The following ANK1 variants were observed in gnomAD, a reference collection of about 807,000 sequenced individuals.
ANK1 encodes ankyrin 1.
A neutral mutation model predicts 210.4 loss-of-function variants in ANK1; 51 were observed. The observed-to-expected ratio is 0.24, with a 90% CI of 0.19 to 0.31. ANK1 has a LOEUF of 0.31. Among genes scored for constraint, ANK1 ranks in the 10% least tolerant of loss-of-function variants. The pLI is 1.00. For missense variants in ANK1, 2,051 were observed against 2,504.4 expected, an observed-to-expected ratio of 0.82 and a Z score of 3.86; for synonymous variants, 967 against 1,025.9, an observed-to-expected ratio of 0.94 and a Z score of 1.10.
In ANK1 at chr8:41,694,149, G is replaced by A. The variant is rs905978831; in HGVS notation, c.3328-47C>T. 1.3e-6 allele frequency: 2 copies of A among 1,580,508 alleles called. No individual in the cohort carries two copies. Among genetic ancestry groups the A allele is most frequent in the Non-Finnish European group, 1.7e-6 (2 of 1,157,454 alleles). On this transcript the variant is annotated intron_variant, in intron 28 of 42. Transcript: ENST00000289734. This position sits in a 1 kb window ranked among gnomAD's most constrained non-coding sequence, Gnocchi z 5.7. ...ACACTCAGGCCCAAGCAGGAGAGGG[G>A]CTAATCAGACGGGAGGCAGCTCCAT... is the stretch of plus-strand genomic sequence containing the variant.
intron 3 of ANK1, among the ~76,000 whole-genome samples, chr8:41,733,149 C>T (rs927080470): frequency 6.6e-6 from 1 of 152,182 alleles, no homozygotes; most frequent in African/African-American, 2.4e-5. Flanking sequence ...TTTCATGACT[C>T]TGGGATTTTG....
intron 39 of ANK1, chr8:41,665,229 C>T (rs1162365958): frequency 1.3e-6 from 2 of 1,520,248 alleles, no homozygotes; most frequent in African/African-American, 1.4e-5. Flanking sequence ...CTGAAGCAGC[C>T]CGGCCCAAGT....
At chr8:41,678,001 T>C (rs942273941) in intron 37 of ANK1, among the ~76,000 whole-genome samples, 3 of 152,222 alleles carry the variant, frequency 2.0e-5, no homozygotes, top group Admixed American at 1.3e-4. Context: ...TCTTCACCAC[T>C]GGTTTTGACC....
chr8:41,757,620 G>A (rs7006290), intron 2 of ANK1, among the ~76,000 whole-genome samples: 46,733 of 152,050 alleles, frequency 0.31, 7,384 homozygotes, highest in South Asian at 0.35. Flanking sequence ...GCGGGGCCTC[G>A]TTCCTCGACT....
chr8:41,657,835 G>C (rs1042190552), intron 42 of ANK1, among the ~76,000 whole-genome samples: 2 of 152,166 alleles, frequency 1.3e-5, no homozygotes, highest in Non-Finnish European at 2.9e-5. Flanking sequence ...CTCTTCTCCT[G>C]GGTCCCCTCA....
chr8:41,725,992 G>C lies in ANK1; in HGVS notation c.427-46C>G, dbSNP rs568890782. 2.7e-5 allele frequency: 43 copies of C among 1,595,540 alleles called. No individual in the cohort carries two copies. The South Asian group carries it at 4.8e-4, about 18-fold the overall frequency. ...CTTTGCTCTGACTCGTCTGACGCCA[G>C]CCGCCCTTCACACGGGACACACCCT... On this transcript the variant is annotated intron_variant, in intron 5 of 42. Coordinates refer to ENST00000289734, the MANE Select transcript of ANK1 (RefSeq NM_000037.4).
Position 41,672,881 on chromosome 8 carries a change from G to A in ANK1, c.4569C>T (p.Ser1523=), listed in dbSNP as rs749315744. ...GYSSLQDELL[S]PASLGCALSS... The stretch of plus-strand genomic sequence containing the variant: ...AAAGTGCACAGCCCAGGGAGGCAGG[G>A]GACAGCAGCTCGTCCTGCAGTGAGG... Residue 1523 remains serine (S), a synonymous_variant, in exon 38 of 43, where the codon TCC becomes TCT. Transcript: ENST00000289734. The A allele has an allele frequency of 1.7e-5, 28 of 1,605,500 alleles. No individual in the cohort carries two copies. In the African/African-American group the frequency reaches 3.3e-4, roughly 19 times the overall value.
intron 1 of ANK1, among the ~76,000 whole-genome samples, chr8:41,773,902 C>T (rs1344105180): frequency 2.0e-5 from 3 of 152,118 alleles, no homozygotes; most frequent in African/African-American, 7.2e-5. Context: ...GATTATTTTC[C>T]CAATAGTGAG....
At chr8:41,869,376 C>T (rs185991979) in intron 1 of ANK1, among the ~76,000 whole-genome samples, 4 of 152,282 alleles carry the variant, frequency 2.6e-5, no homozygotes, top group South Asian at 4.1e-4. Flanking sequence ...GATCTTAATT[C>T]AGTCATTCTG....
chr8:41,662,006 C>A, intron 40 of ANK1, 65 bp from the exon 41 acceptor site: 1 of 1,575,346 alleles, frequency 6.3e-7, no homozygotes, highest in Non-Finnish European at 8.7e-7. Context: ...TGTCTGTAAT[C>A]TCAGCACTTT....
Position 41,696,343 on chromosome 8 carries a change from G to A in ANK1, c.2960+20C>T. On this transcript the variant is annotated intron_variant, in intron 26 of 42. Transcript: ENST00000289734. ...TGGCACAGGGACAGGGGAGAACACG[G>A]GCTGCCCGCGCAAGCTCACCTCAGG... is the stretch of plus-strand genomic sequence containing the variant. 2 of 1,612,134 alleles carry A rather than the reference G, an allele frequency of 1.2e-6. No individual in the cohort carries two copies. The highest frequency in any genetic ancestry group is 1.7e-6 in the Non-Finnish European group (2 of 1,179,344).
At chr8:41,707,654 G>A (rs1490148736) in intron 17 of ANK1, among the ~76,000 whole-genome samples, 1 of 152,210 alleles carries the variant, frequency 6.6e-6, no homozygotes, top group East Asian at 1.9e-4. Flanking sequence ...TGGGTTTCCA[G>A]TCACCTTACG....
At chr8:41,682,643 C>T (rs932282646) in intron 37 of ANK1, among the ~76,000 whole-genome samples, 13 of 152,214 alleles carry the variant, frequency 8.5e-5, no homozygotes, top group Non-Finnish European at 1.9e-4. Context: ...GCAAGAATGC[C>T]TCAAGGCCTG....
chr8:41,857,384 GGT>G (rs1812400343), intron 1 of ANK1, among the ~76,000 whole-genome samples: 5 of 151,268 alleles, frequency 3.3e-5, no homozygotes, highest in Admixed American at 6.6e-5. Context: ...GATCAACCGA[GGT>G]CAGGAGTTCA....
At chr8:41,771,777 G>T (rs927095498) in intron 1 of ANK1, among the ~76,000 whole-genome samples, 1 of 152,186 alleles carries the variant, frequency 6.6e-6, no homozygotes, top group African/African-American at 2.4e-5. Flanking sequence ...GAGAAGAAAG[G>T]GAAGAAATAG....
At chr8:41,886,600 G>A (rs984800430) in intron 1 of ANK1, among the ~76,000 whole-genome samples, 6 of 152,216 alleles carry the variant, frequency 3.9e-5, no homozygotes, top group Non-Finnish European at 7.3e-5. Context: ...TTTCAACTGC[G>A]TTCTGACGGA....
intron 7 of ANK1, 152 bp from the exon 8 acceptor site, chr8:41,723,785 AT>A (rs1286820194): frequency 1.1e-5 from 5 of 468,970 alleles, no homozygotes; most frequent in African/African-American, 6.3e-5. Context: ...ATTTTTTTTT[AT>A]TTTTTATTTT....
chr8:41,740,677 C>CA (rs2150684436), intron 2 of ANK1, among the ~76,000 whole-genome samples: 1 of 152,312 alleles, frequency 6.6e-6, no homozygotes, highest in East Asian at 1.9e-4. Flanking sequence ...TCTATATACA[C>CA]ATTCATGTAA....
intron 3 of ANK1, among the ~76,000 whole-genome samples, chr8:41,728,619 G>T (rs970916676): frequency 2.2e-4 from 33 of 152,352 alleles, no homozygotes; most frequent in African/African-American, 7.7e-4. Flanking sequence ...GAGTGGCGCA[G>T]GAAGGGGGCA....
Sources: gnomAD v4.1 joint callset for allele counts (sites outside exome capture counted in the v4.1 genomes callset) on GRCh38, gnomAD v4.1.1 for gene constraint, Gnocchi (gnomAD v3.1) non-coding constraint, MANE v1.5 for transcripts, NCBI Gene and HGNC (gene_info 2026-07-23, HGNC 2026-07-21) for gene names.